PPARGC1A: variants seen among roughly 807,000 people sequenced by gnomAD.
The protein encoded by PPARGC1A is peroxisome proliferator-activated receptor gamma coactivator 1-alpha.
PPARGC1A carries 25 observed loss-of-function variants against 88.7 expected under a neutral mutation model. The observed-to-expected ratio is 0.28, with a 90% confidence interval of 0.21 to 0.39. The LOEUF (loss-of-function observed/expected upper bound fraction) is 0.39, where lower values mean the gene tolerates loss of function less well. Among genes scored for constraint, PPARGC1A ranks in the 10% least tolerant of loss-of-function variants. PPARGC1A has a pLI of 1.00. For missense variants in PPARGC1A, 880 were observed against 968.7 expected, an observed-to-expected ratio of 0.91 and a Z score of 1.22; for synonymous variants, 363 against 355.6, an observed-to-expected ratio of 1.02 and a Z score of -0.24.
chr4:23,803,394 C>T (rs1719152393), intron 10 of PPARGC1A, among the ~76,000 whole-genome samples: 1 of 151,994 alleles, frequency 6.6e-6, no homozygotes, highest in Non-Finnish European at 1.5e-5. Flanking sequence ...TTTCACTTTG[C>T]CAATAAATCT....
upstream of PPARGC1A, among the ~76,000 whole-genome samples, chr4:23,909,041 A>G (rs1238143412): frequency 6.6e-6 from 1 of 152,192 alleles, no homozygotes; most frequent in African/African-American, 2.4e-5. Flanking sequence ...CAAAATATCC[A>G]CATGTGATTA....
chr4:23,864,943 G>T (rs935854976), intron 2 of PPARGC1A, among the ~76,000 whole-genome samples: 2 of 152,162 alleles, frequency 1.3e-5, no homozygotes, highest in Non-Finnish European at 2.9e-5. Flanking sequence ...TAGCACTTTG[G>T]GAGGCCAAGG....
the PPARGC1A span, among the ~76,000 whole-genome samples, chr4:24,148,840 G>A: frequency 1.7e-4 from 26 of 152,174 alleles, no homozygotes; most frequent in Admixed American, 1.2e-3. Context: ...TGAAAAATAC[G>A]TCTTCTCCAT....
the PPARGC1A span, among the ~76,000 whole-genome samples, chr4:24,333,940 C>A: frequency 0.14 from 1,906 of 13,692 alleles, 403 homozygotes; most frequent in East Asian, 0.2. Flanking sequence ...ACAACAACAA[C>A]AAAAAAAAAA....
the PPARGC1A span, among the ~76,000 whole-genome samples, chr4:24,380,406 A>G: frequency 3.9e-5 from 6 of 152,236 alleles, no homozygotes; most frequent in Non-Finnish European, 8.8e-5. Flanking sequence ...ATCAGGAATC[A>G]AAGAAGATGA....
At chr4:24,206,171 T>C in the PPARGC1A span, among the ~76,000 whole-genome samples, 1 of 152,122 alleles carries the variant, frequency 6.6e-6, no homozygotes, top group African/African-American at 2.4e-5. Flanking sequence ...AAGGGCCAAA[T>C]AACCCAAGCC....
chr4:24,339,229 T>TACAC, the PPARGC1A span, among the ~76,000 whole-genome samples: 14 of 100,084 alleles, frequency 1.4e-4, no homozygotes, highest in African/African-American at 4.7e-4. Context: ...TATATATATA[T>TACAC]ATATATATAC....
chr4:24,131,544 A>T, the PPARGC1A span, among the ~76,000 whole-genome samples: 1 of 152,230 alleles, frequency 6.6e-6, no homozygotes, highest in African/African-American at 2.4e-5. Flanking sequence ...AAAAAGGAAG[A>T]TTAAGCATTC....
chr4:23,884,806 G>A lies in PPARGC1A; in HGVS notation c.180C>T (p.Asp60=). 1 of 1,613,822 alleles carries A rather than the reference G, an allele frequency of 6.2e-7. No individual in the cohort carries two copies. Among genetic ancestry groups the A allele is most frequent in the Non-Finnish European group, 8.5e-7 (1 of 1,179,874 alleles). Residue 60 remains aspartate (D), a synonymous_variant, in exon 2 of 13, where the codon GAC becomes GAT. Transcript: ENST00000264867. Reference sequence around the variant, plus strand: ...ACTGATTGGATATTATTTCTGATTGGTCACTGCACCACTTGAGTCCACCCA... The same window carrying A: ...ACTGATTGGATATTATTTCTGATTGATCACTGCACCACTTGAGTCCACCCA... ...SFLGGLKWCS[D]QSEIISNQYN... is the part of the protein sequence containing the mutation.
At chr4:24,071,936 T>C in the PPARGC1A span, among the ~76,000 whole-genome samples, 272 of 152,164 alleles carry the variant, frequency 1.8e-3, 3 homozygotes, top group African/African-American at 6.3e-3. Context: ...TTTAGTATCT[T>C]ATAAGAAGTT....
chr4:24,381,246 C>T, the PPARGC1A span, among the ~76,000 whole-genome samples: 1 of 152,142 alleles, frequency 6.6e-6, no homozygotes, highest in East Asian at 1.9e-4. Flanking sequence ...CAGTACAAAT[C>T]CTCATTGACC....
chr4:24,009,388 G>A, the PPARGC1A span, among the ~76,000 whole-genome samples: 1 of 152,042 alleles, frequency 6.6e-6, no homozygotes, highest in Non-Finnish European at 1.5e-5. Flanking sequence ...CTTGTTAGAG[G>A]TGCCTTCTGA....
At chr4:23,801,636 G>T in intron 12 of PPARGC1A, 94 bp downstream of exon 12, 1 of 1,339,954 alleles carries the variant, frequency 7.5e-7, no homozygotes, top group Non-Finnish European at 1.0e-6. Context: ...AAAATAAAGT[G>T]ATGGTTCAAC....
At chr4:24,020,197 A>C in the PPARGC1A span, among the ~76,000 whole-genome samples, 1 of 152,296 alleles carries the variant, frequency 6.6e-6, no homozygotes, top group South Asian at 2.1e-4. Context: ...ATGTTTCTAA[A>C]ACCTATTGTT....
the PPARGC1A span, among the ~76,000 whole-genome samples, chr4:24,447,572 C>T: frequency 6.6e-6 from 1 of 152,218 alleles, no homozygotes; most frequent in African/African-American, 2.4e-5. Flanking sequence ...GGCTTCACCT[C>T]ACTTTCTCAC....
chr4:24,160,797 A>G, the PPARGC1A span, among the ~76,000 whole-genome samples: 3 of 152,206 alleles, frequency 2.0e-5, no homozygotes, highest in Non-Finnish European at 2.9e-5. Context: ...TATACTTTCC[A>G]TTTCTAGAAA....
the PPARGC1A span, among the ~76,000 whole-genome samples, chr4:24,420,623 C>A: frequency 6.6e-6 from 1 of 152,136 alleles, no homozygotes; most frequent in Non-Finnish European, 1.5e-5. Flanking sequence ...TACTCACTGT[C>A]CCCTGCTGAG....
At chr4:24,278,621 T>C in the PPARGC1A span, among the ~76,000 whole-genome samples, 13 of 152,190 alleles carry the variant, frequency 8.5e-5, no homozygotes, top group Non-Finnish European at 8.8e-5. Flanking sequence ...TGAAAAAGCA[T>C]GCCCATCCTC....
At chr4:23,849,454 G>A (rs1728888005) in intron 2 of PPARGC1A, among the ~76,000 whole-genome samples, 1 of 151,998 alleles carries the variant, frequency 6.6e-6, no homozygotes, top group South Asian at 2.1e-4. Context: ...CTGATAAAAA[G>A]GCTCACAGAT....
Sources: gnomAD v4.1 joint callset for allele counts (sites outside exome capture counted in the v4.1 genomes callset) on GRCh38, gnomAD v4.1.1 for gene constraint, MANE v1.5 for transcripts, NCBI Gene and HGNC (gene_info 2026-07-23, HGNC 2026-07-21) for gene names.